Variants in GALNT10 observed in about 807,000 individuals in gnomAD.
The protein encoded by GALNT10 is GalNAc transferase 10.
A neutral mutation model predicts 75.0 loss-of-function variants in GALNT10; 41 were observed. That is an observed-to-expected ratio of 0.55 (90% CI 0.43 to 0.71). GALNT10 has a LOEUF of 0.71. GALNT10 is among the 30% of genes least tolerant of loss of function. The pLI, the probability that GALNT10 is intolerant of heterozygous loss-of-function variation, is 0.00. For synonymous variants in GALNT10, 302 were observed against 313.0 expected, an observed-to-expected ratio of 0.96 and a Z score of 0.37; for missense variants, 727 against 818.5, an observed-to-expected ratio of 0.89 and a Z score of 1.36.
intron 1 of GALNT10, among the ~76,000 whole-genome samples, chr5:154,262,540 C>T (rs1753714561): frequency 6.6e-6 from 1 of 152,186 alleles, no homozygotes; most frequent in South Asian, 2.1e-4. Context: ...GAAGCAGGTA[C>T]TCAGATTCCC....
chr5:154,253,116 G>A (rs546154473), intron 1 of GALNT10, among the ~76,000 whole-genome samples: 11 of 148,252 alleles, frequency 7.4e-5, no homozygotes, highest in African/African-American at 2.5e-4. Flanking sequence ...TTTAACTTAC[G>A]TCGTATACCT....
intron 4 of GALNT10, among the ~76,000 whole-genome samples, chr5:154,371,487 C>G (rs988588310): frequency 3.2e-5 from 4 of 125,992 alleles, no homozygotes; most frequent in African/African-American, 1.1e-4. Context: ...GAGGGAGAGG[C>G]TCCACTTTAA....
chr5:154,256,738 A>G (rs1753620724), intron 1 of GALNT10, among the ~76,000 whole-genome samples: 1 of 152,082 alleles, frequency 6.6e-6, no homozygotes. Flanking sequence ...CCCTTGTTCC[A>G]GAGTCAATGG....
chr5:154,359,754 G>T (rs1346151843), intron 4 of GALNT10, among the ~76,000 whole-genome samples: 1 of 150,926 alleles, frequency 6.6e-6, no homozygotes, highest in South Asian at 2.1e-4. Context: ...TTTGTGTTAT[G>T]AAAACAGTAG....
intron 1 of GALNT10, among the ~76,000 whole-genome samples, chr5:154,241,812 C>T (rs949386025): frequency 6.6e-6 from 1 of 152,220 alleles, no homozygotes; most frequent in Non-Finnish European, 1.5e-5. Flanking sequence ...TTCTCTTCAA[C>T]ACATATTGGC....
intron 1 of GALNT10, among the ~76,000 whole-genome samples, chr5:154,223,011 G>A (rs138300975): frequency 4.4e-4 from 67 of 152,244 alleles, no homozygotes; most frequent in African/African-American, 1.5e-3. Flanking sequence ...TAAGAATCCC[G>A]TGGAACCTGA....
chr5:154,297,752 A>G (rs1347253702), intron 2 of GALNT10, among the ~76,000 whole-genome samples, 189 bp from the exon 3 acceptor site: 1 of 152,128 alleles, frequency 6.6e-6, no homozygotes, highest in Non-Finnish European at 1.5e-5. Context: ...TGAGAACAAG[A>G]TGTGCAAAGT....
intron 4 of GALNT10, among the ~76,000 whole-genome samples, chr5:154,344,431 C>G (rs988913133): frequency 6.6e-5 from 10 of 151,974 alleles, no homozygotes; most frequent in Non-Finnish European, 1.3e-4. Context: ...AGGATGGTCT[C>G]GATCTCCTGA....
intron 4 of GALNT10, among the ~76,000 whole-genome samples, chr5:154,363,298 T>C (rs913126870): frequency 6.6e-6 from 1 of 151,928 alleles, no homozygotes; most frequent in Non-Finnish European, 1.5e-5. Context: ...ACATTTTTTT[T>C]CAAAAATGCA....
At chr5:154,325,049 A>G (rs552515312) in intron 3 of GALNT10, among the ~76,000 whole-genome samples, 1 of 152,318 alleles carries the variant, frequency 6.6e-6, no homozygotes, top group African/African-American at 2.4e-5. Flanking sequence ...CTTGGGAACC[A>G]TGTAAATATT....
At chr5:154,251,805 A>G (rs1366932256) in intron 1 of GALNT10, among the ~76,000 whole-genome samples, 2 of 152,142 alleles carry the variant, frequency 1.3e-5, no homozygotes, top group Non-Finnish European at 2.9e-5. Flanking sequence ...GGGAAATGGT[A>G]TTTTAAGACC....
At chr5:154,400,337 G>A (rs907328608) in intron 7 of GALNT10, among the ~76,000 whole-genome samples, 4 of 152,136 alleles carry the variant, frequency 2.6e-5, no homozygotes, top group African/African-American at 4.8e-5. Context: ...ACTGTGTGGT[G>A]CAGAGGTGAT....
chr5:154,200,572 ATGTG>A (rs10579400), intron 1 of GALNT10, among the ~76,000 whole-genome samples: 1 of 151,670 alleles, frequency 6.6e-6, no homozygotes, highest in African/African-American at 2.4e-5. Flanking sequence ...TAAAATGTGT[ATGTG>A]TGTGTGTGTG....
intron 1 of GALNT10, among the ~76,000 whole-genome samples, chr5:154,234,667 C>T (rs1404902416): frequency 1.3e-5 from 2 of 152,192 alleles, no homozygotes; most frequent in East Asian, 3.9e-4. Context: ...AGGATCAGGT[C>T]CTGTGGGCAT....
chr5:154,350,305 TGCAG>T (rs1486386473), intron 4 of GALNT10, among the ~76,000 whole-genome samples: 4 of 152,202 alleles, frequency 2.6e-5, no homozygotes, highest in Admixed American at 2.6e-4. Context: ...TGGGGCATGG[TGCAG>T]GATCCTGGGT....
intron 4 of GALNT10, among the ~76,000 whole-genome samples, chr5:154,371,131 G>T (rs912355004): frequency 1.3e-5 from 2 of 152,148 alleles, no homozygotes; most frequent in African/African-American, 4.8e-5. Context: ...TTCTGGTATT[G>T]CTGGCAAGCC....
intron 1 of GALNT10, among the ~76,000 whole-genome samples, chr5:154,255,362 T>C (rs1753590831): frequency 6.6e-6 from 1 of 152,214 alleles, no homozygotes; most frequent in South Asian, 2.1e-4. Flanking sequence ...GGATAAGCAA[T>C]TGCAGTGCCG....
intron 3 of GALNT10, among the ~76,000 whole-genome samples, chr5:154,325,097 A>G (rs1204575078): frequency 2.0e-5 from 3 of 152,214 alleles, no homozygotes; most frequent in Admixed American, 2.0e-4. Flanking sequence ...TCAAAACTAA[A>G]TGCAGAAAGC....
At chr5:154,193,928 A>C (rs565693206) in intron 1 of GALNT10, among the ~76,000 whole-genome samples, 4 of 152,254 alleles carry the variant, frequency 2.6e-5, no homozygotes, top group Admixed American at 6.5e-5. Flanking sequence ...CTGGTCAGAC[A>C]GTTGGCTTCT....
Sources: gnomAD v4.1 joint callset for allele counts (sites outside exome capture counted in the v4.1 genomes callset) on GRCh38, gnomAD v4.1.1 for gene constraint, MANE v1.5 for transcripts, NCBI Gene and HGNC (gene_info 2026-07-23, HGNC 2026-07-21) for gene names.